SCYL3: variants seen among roughly 807,000 people sequenced by gnomAD.
The protein encoded by SCYL3 is SCY1 like pseudokinase 3, also known as protein-associating with the carboxyl-terminal domain of ezrin.
SCYL3 carries 35 observed loss-of-function variants against 73.8 expected under a neutral mutation model. The observed-to-expected ratio is 0.47, with a 90% CI of 0.36 to 0.63. The LOEUF is 0.63. Ranked by LOEUF, SCYL3 falls within the 20% of genes least tolerant of loss-of-function variation. The pLI is 0.00. For synonymous variants in SCYL3, 277 were observed against 295.2 expected, an observed-to-expected ratio of 0.94 and a Z score of 0.63; for missense variants, 712 against 798.9, an observed-to-expected ratio of 0.89 and a Z score of 1.31.
At chr1:169,877,378 A>G (rs888517812) in intron 3 of SCYL3, among the ~76,000 whole-genome samples, 7 of 152,002 alleles carry the variant, frequency 4.6e-5, no homozygotes, top group African/African-American at 1.7e-4. Flanking sequence ...GGCTGGTCTC[A>G]AACTCCTGGG....
chr1:169,850,315 TAAG>T lies in SCYL3; in HGVS notation c.*3395_*3397del. The T allele has an allele frequency of 6.2e-7, 1 of 1,611,526 alleles. No individual in the cohort carries two copies. The highest frequency in any genetic ancestry group is 1.1e-5 in the South Asian group (1 of 91,020). ...CACAGTGTCTCAGTTCTGAAGAAACTAAGAACAAAGTTGTATCCTTTCTGGAGA... is the reference window on the plus strand; with the variant it reads ...CACAGTGTCTCAGTTCTGAAGAAACTAACAAAGTTGTATCCTTTCTGGAGA... On this transcript the variant is annotated 3_prime_UTR_variant, in exon 13 of 13. Coordinates refer to ENST00000367771, the MANE Select transcript of SCYL3 (RefSeq NM_020423.7).
intron 4 of SCYL3, among the ~76,000 whole-genome samples, chr1:169,875,195 T>C (rs1032666615): frequency 1.3e-5 from 2 of 152,108 alleles, no homozygotes; most frequent in African/African-American, 4.8e-5. Flanking sequence ...AAGTTAAGTG[T>C]GGAAGCAGCA....
chr1:169,880,610 CAG>C (rs1264871647), intron 2 of SCYL3, among the ~76,000 whole-genome samples: 3 of 88,636 alleles, frequency 3.4e-5, no homozygotes, highest in African/African-American at 1.1e-4. Context: ...AAAAAAAAAA[CAG>C]AAAATTTCTT....
intron 11 of SCYL3, among the ~76,000 whole-genome samples, chr1:169,858,679 C>T (rs1165083759): frequency 6.6e-6 from 1 of 152,160 alleles, no homozygotes; most frequent in Non-Finnish European, 1.5e-5. Flanking sequence ...ATGCATTCCA[C>T]TACAGCTACA....
chr1:169,853,759 C>A lies in SCYL3; in HGVS notation c.2021G>T (p.Gly674Val), dbSNP rs1355568756. ...AAEITEGEAE[G>V]WEEEGELNWE... ...GTTCAGCTCCCCTTCTTCTTCCCAG[C>A]CTTCAGCCTCTCCCTGCAACAAAAT... Residue 674 changes from glycine to valine, a missense_variant, in exon 13 of 13, where the codon GGC (glycine) becomes GTC (valine). Transcript: ENST00000367771. 6.2e-7 allele frequency: 1 copy of A among 1,613,932 alleles called. No individual in the cohort carries two copies. Among genetic ancestry groups the A allele is most frequent in the Non-Finnish European group, 8.5e-7 (1 of 1,179,908 alleles).
In SCYL3 at chr1:169,853,667, T is replaced by A. The variant is rs774610449; in HGVS notation, c.*46A>T. 8.1e-5 allele frequency: 130 copies of A among 1,598,850 alleles called. No homozygotes were observed. The highest frequency in any genetic ancestry group is 4.0e-4 in the East Asian group (18 of 44,776). ...CTGCTTTTGAGGTATTGATTTTTTTTAAAAAAAGGGAATCCTTTTTCCTAA... is the reference window on the plus strand; with the variant it reads ...CTGCTTTTGAGGTATTGATTTTTTTAAAAAAAAGGGAATCCTTTTTCCTAA... On this transcript the variant is annotated 3_prime_UTR_variant, in exon 13 of 13. Transcript: ENST00000367771.
At chr1:169,868,810 AC>A (rs1424701721) in intron 7 of SCYL3, 117 bp downstream of exon 7, 8 of 639,424 alleles carry the variant, frequency 1.3e-5, no homozygotes, top group African/African-American at 1.8e-5. Context: ...CTAATAATTA[AC>A]AACAGAAACT....
At position 169,852,415 on chromosome 1, in the gene SCYL3, A is replaced by G. The variant is rs182443051; in HGVS notation, c.*1298T>C. 6.9e-4 allele frequency: 184 copies of G among 267,922 alleles called. No individual in the cohort carries two copies. The highest frequency in any genetic ancestry group is 4.0e-3 in the African/African-American group (178 of 44,670). 16.6% of individuals were successfully genotyped at this position (267,922 alleles called of 1,614,324 possible). A position where few individuals can be genotyped will look rare whatever the true frequency, so the allele number is the denominator to read the frequency against. On this transcript the variant is annotated 3_prime_UTR_variant, in exon 13 of 13. Coordinates refer to ENST00000367771, the MANE Select transcript of SCYL3 (RefSeq NM_020423.7). ...TTAGTATAGTAATTAGTATAGTAGT[A>G]ATTCATGAAGAACAACATTCTGATA...
In SCYL3 at chr1:169,864,475, C is replaced by T. The variant is rs184473243; in HGVS notation, c.849G>A (p.Glu283=). The change falls in exon 9 of 13, where the codon GAG becomes GAA. Residue 283 remains glutamate (E), a synonymous_variant. Coordinates refer to ENST00000367771, the MANE Select transcript of SCYL3 (RefSeq NM_020423.7). ...GCACCAACCTTGAAGCTATCAATTC[C>T]TCTGACAAGCAGCTGACTCTGTCCA... ...FLLDRVSCLS[E]ELIASRLVPL... is the part of the protein sequence containing the mutation. 2.2e-5 allele frequency: 35 copies of T among 1,609,774 alleles called. No homozygotes were observed. In the Admixed American group the frequency reaches 2.7e-4, roughly 12 times the overall value.
Position 169,853,003 on chromosome 1 carries a change from A to G in SCYL3, c.*710T>C, listed in dbSNP as rs1483359924. Reference sequence around the variant, plus strand: ...TCTAGGGTGAAACTTATCACTAGGCAGAACTGGGTTTGATGCTTTGTCAAC... The same window carrying G: ...TCTAGGGTGAAACTTATCACTAGGCGGAACTGGGTTTGATGCTTTGTCAAC... On this transcript the variant is annotated 3_prime_UTR_variant, in exon 13 of 13. Transcript: ENST00000367771. 1.2e-6 allele frequency: 2 copies of G among 1,612,608 alleles called. No individual in the cohort carries two copies. The highest frequency in any genetic ancestry group is 2.2e-5 in the East Asian group (1 of 44,868).
rs752148457 is a variant in SCYL3 at position 169,868,947 on chromosome 1, G to C, written c.718C>G (p.Leu240Val). 3.7e-6 allele frequency: 6 copies of C among 1,613,834 alleles called. No individual in the cohort carries two copies. Among genetic ancestry groups the C allele is most frequent in the Non-Finnish European group, 5.1e-6 (6 of 1,179,726 alleles). ...PKCRPALCTLLSHDFFRNDFL... is the reference protein window; with the variant it reads ...PKCRPALCTLVSHDFFRNDFL... Reference sequence around the variant, plus strand: ...CCTCACCTGAAGAAGTCATGAGATAGTAAGGTGCAGAGCGCTGGCCGACAT... The same window carrying C: ...CCTCACCTGAAGAAGTCATGAGATACTAAGGTGCAGAGCGCTGGCCGACAT... Residue 240 changes from leucine to valine, a missense_variant, in exon 7 of 13, where the codon CTA becomes GTA. Physicochemically the swap from Leu to Val is conservative, Grantham distance 32. Around this residue, in one of 2 missense-constraint regions of SCYL3, gnomAD observed 342 missense variants for 448.1 expected, o/e 0.76. Coordinates refer to ENST00000367771, the MANE Select transcript of SCYL3 (RefSeq NM_020423.7).
At chr1:169,855,127 A>T (rs9659149) in intron 11 of SCYL3, among the ~76,000 whole-genome samples, 163 bp from the exon 12 acceptor site, 4,995 of 152,308 alleles carry the variant, frequency 0.033, 252 homozygotes, top group East Asian at 0.22. Context: ...CTCAAGATCA[A>T]CGATGTCACA....
At chr1:169,875,732 G>C (rs1052403693) in intron 4 of SCYL3, among the ~76,000 whole-genome samples, 1 of 152,152 alleles carries the variant, frequency 6.6e-6, no homozygotes, top group Admixed American at 6.5e-5. Context: ...TCAAATATCT[G>C]AACGAAACAT....
intron 10 of SCYL3, among the ~76,000 whole-genome samples, chr1:169,861,999 C>T (rs1305510819): frequency 6.6e-6 from 1 of 152,172 alleles, no homozygotes; most frequent in African/African-American, 2.4e-5. Context: ...CTGGGAGCTA[C>T]GAGAAGCTTG....
chr1:169,850,081 C>T lies in SCYL3; in HGVS notation c.*3632G>A, dbSNP rs1657915009. On this transcript the variant is annotated 3_prime_UTR_variant, in exon 13 of 13. Transcript: ENST00000367771. ...GTAATTAAAGCTTACAACACTTGTA[C>T]AGAAGTTAATTTTGTATTATCCTTA... 3.4e-6 allele frequency: 2 copies of T among 581,512 alleles called. No homozygotes were observed. The highest frequency in any genetic ancestry group is 6.1e-6 in the Non-Finnish European group (2 of 327,304). The allele number at this position is 581,512 out of a possible 1,614,324, so 36.0% of individuals were successfully genotyped here. A position where few individuals can be genotyped will look rare whatever the true frequency, so the allele number is the denominator to read the frequency against.
Position 169,866,949 on chromosome 1 carries a change from AT to A in SCYL3, c.761del (p.Asn254IlefsTer3). The A allele has an allele frequency of 6.3e-7, 1 of 1,591,156 alleles. No homozygotes were observed. The highest frequency in any genetic ancestry group is 8.6e-7 in the Non-Finnish European group (1 of 1,165,120). On this transcript the variant is annotated frameshift_variant, in exon 8 of 13. Transcript: ENST00000367771. LOFTEE classifies it high-confidence loss of function. The part of the protein sequence containing the change: ...FFRNDFLEVV[N>X]FLKSLTLKSE... ...TCTTCAATGTTAAACTTTTCAAGAA[AT>A]TCACAACTTCCAGAAAATCATTTCT...
At chr1:169,879,911 A>G (rs1311799571) in intron 2 of SCYL3, among the ~76,000 whole-genome samples, 1 of 152,218 alleles carries the variant, frequency 6.6e-6, no homozygotes. Context: ...TGAATATGAC[A>G]GAATACAGAG....
chr1:169,890,557 T>C (rs1026305344), intron 1 of SCYL3, among the ~76,000 whole-genome samples: 2 of 152,246 alleles, frequency 1.3e-5, no homozygotes, highest in African/African-American at 4.8e-5. Flanking sequence ...ACACTGGGTA[T>C]GTAATGCTGC....
chr1:169,881,647 G>A (rs1249674125), intron 2 of SCYL3, among the ~76,000 whole-genome samples: 2 of 152,166 alleles, frequency 1.3e-5, no homozygotes, highest in Non-Finnish European at 2.9e-5. Flanking sequence ...CAACTGGTAT[G>A]AGATCAACTT....
Sources: gnomAD v4.1 joint callset for allele counts (sites outside exome capture counted in the v4.1 genomes callset) on GRCh38, gnomAD v4.1.1 for gene constraint, gnomAD v4.1.1 regional missense constraint, MANE v1.5 for transcripts, NCBI Gene and HGNC (gene_info 2026-07-23, HGNC 2026-07-21) for gene names.